The following GABRA3 variants were observed in gnomAD, a reference collection of about 807,000 sequenced individuals.
GABRA3 encodes gamma-aminobutyric acid type A receptor subunit alpha3.
In GABRA3, 10 loss-of-function variants were observed where a neutral mutation model predicts 30.1. The ratio of observed to expected loss-of-function variants is 0.33; its 90% CI spans 0.20 to 0.56. The LOEUF (loss-of-function observed/expected upper bound fraction) is 0.56, where lower values mean the gene tolerates loss of function less well. Ranked by LOEUF, GABRA3 falls within the 20% of genes least tolerant of loss-of-function variation. The pLI, the probability that GABRA3 is intolerant of heterozygous loss-of-function variation, is 0.89. For synonymous variants in GABRA3, 151 were observed against 146.8 expected (o/e 1.03, Z -0.21); for missense variants, 233 against 392.0 (o/e 0.59, Z 3.42).
intron 1 of GABRA3, among the ~76,000 whole-genome samples, chrX:152,424,636 C>A (rs1930466831): frequency 9.0e-6 from 1 of 111,103 alleles, no homozygotes; most frequent in African/African-American, 3.3e-5. Flanking sequence ...TGATGTCAGG[C>A]CAATTTTCCC....
chrX:152,215,264 C>T (rs2124373150), intron 6 of GABRA3, among the ~76,000 whole-genome samples: 1 of 109,515 alleles, frequency 9.1e-6, no homozygotes, highest in South Asian at 3.9e-4. Context: ...GAGCTCTCAG[C>T]CTTTTCCATT....
chrX:152,220,526 C>T (rs1402641720), intron 6 of GABRA3, among the ~76,000 whole-genome samples: 1 of 111,408 alleles, frequency 9.0e-6, no homozygotes, highest in African/African-American at 3.3e-5. Context: ...CTTTATATGC[C>T]TTTTGGTATA....
intron 5 of GABRA3, among the ~76,000 whole-genome samples, chrX:152,248,350 C>T (rs1297849590): frequency 2.7e-5 from 3 of 111,666 alleles, no homozygotes; most frequent in South Asian, 7.4e-4. Flanking sequence ...GTATGCCACT[C>T]AAGGCCTGGT....
At chrX:152,170,614 C>A (rs1936991271) in intron 9 of GABRA3, among the ~76,000 whole-genome samples, 1 of 112,269 alleles carries the variant, frequency 8.9e-6, no homozygotes, top group Non-Finnish European at 1.9e-5. Flanking sequence ...CTACACCTGG[C>A]CAAGGGCACT....
intron 3 of GABRA3, among the ~76,000 whole-genome samples, chrX:152,313,708 A>G (rs1045804007): frequency 8.9e-6 from 1 of 112,081 alleles, no homozygotes; most frequent in Non-Finnish European, 1.9e-5. Flanking sequence ...TGAGAAATGT[A>G]CTGGTTATGC....
intron 1 of GABRA3, among the ~76,000 whole-genome samples, chrX:152,405,128 T>A (rs148775935): frequency 0.012 from 1,306 of 108,156 alleles, 11 homozygotes; most frequent in South Asian, 0.034. Flanking sequence ...CTCCCCTAAC[T>A]GTGCCTTGTG....
intron 5 of GABRA3, among the ~76,000 whole-genome samples, chrX:152,248,877 C>T (rs1189677619): frequency 8.9e-6 from 1 of 111,742 alleles, no homozygotes; most frequent in African/African-American, 3.2e-5. Context: ...TGCGAATTAG[C>T]TAGATTTAAT....
chrX:152,367,622 C>A (rs1378252069), intron 1 of GABRA3, among the ~76,000 whole-genome samples: 1 of 111,422 alleles, frequency 9.0e-6, no homozygotes, highest in Non-Finnish European at 1.9e-5. Flanking sequence ...ATCTTAAACT[C>A]ATATCGTAAC....
At chrX:152,351,819 C>T (rs1381784547) in intron 2 of GABRA3, among the ~76,000 whole-genome samples, 1 of 111,000 alleles carries the variant, frequency 9.0e-6, no homozygotes, top group Non-Finnish European at 1.9e-5. Flanking sequence ...ATTTTTATTT[C>T]ACTTAACACT....
chrX:152,182,312 T>TACACAC (rs72009096), intron 9 of GABRA3, among the ~76,000 whole-genome samples: 27 of 89,308 alleles, frequency 3.0e-4, no homozygotes, highest in African/African-American at 1.1e-3. Context: ...TATATATATA[T>TACACAC]ACACACACAC....
rs1936946762 is a variant in GABRA3, at chrX:152,167,168, G to T, written c.*1060C>A. On this transcript the variant is annotated 3_prime_UTR_variant, in exon 10 of 10. Coordinates refer to ENST00000370314, the MANE Select transcript of GABRA3 (RefSeq NM_000808.4). ...CCGATATGGTGGGAGAAAAGTGCCT[G>T]GGCCAGGGTGTGGAATGTGGAGTGT... is the stretch of plus-strand genomic sequence containing the variant. The T allele has an allele frequency of 9.1e-6, 1 of 110,429 alleles. No individual in the cohort carries two copies. The highest frequency in any genetic ancestry group is 3.3e-5 in the African/African-American group (1 of 30,314). 9.1% of individuals were successfully genotyped at this position (110,429 alleles called of 1,213,427 possible).
intron 5 of GABRA3, among the ~76,000 whole-genome samples, chrX:152,225,520 C>A (rs1320920637): frequency 1.8e-5 from 2 of 109,262 alleles, no homozygotes; most frequent in Non-Finnish European, 3.8e-5. Context: ...CCTCAGAGGT[C>A]AAGTCTAAAG....
intron 5 of GABRA3, among the ~76,000 whole-genome samples, chrX:152,233,376 A>T (rs1206209169): frequency 9.0e-6 from 1 of 111,044 alleles, no homozygotes; most frequent in Admixed American, 9.7e-5. Flanking sequence ...GCCATCAAAA[A>T]GTGCGCGAAG....
At position 152,347,829 on chromosome X, in the gene GABRA3, G is replaced by A. The variant is rs756678814; in HGVS notation, c.141-2127C>T. Among the ~76,000 whole-genome samples, 7 of 110,757 alleles carry A rather than the reference G, an allele frequency of 6.3e-5. No homozygotes were observed. The East Asian group carries it at 1.4e-3, about 23-fold the overall frequency. On this transcript the variant is annotated intron_variant, in intron 2 of 9. Coordinates refer to ENST00000370314, the MANE Select transcript of GABRA3 (RefSeq NM_000808.4). ...TTGTGACCAGTCTGGACAATATGGCGAAATCCTGCCTCTACAAAAACACAA... is the reference window on the plus strand; with the variant it reads ...TTGTGACCAGTCTGGACAATATGGCAAAATCCTGCCTCTACAAAAACACAA...
chrX:152,342,867 A>G, intron 3 of GABRA3, among the ~76,000 whole-genome samples: 1 of 111,575 alleles, frequency 9.0e-6, no homozygotes, highest in Non-Finnish European at 1.9e-5. Context: ...ACCAGGTGTT[A>G]AAAGTGTTTC....
At chrX:152,251,786 C>G (rs1938558929) in intron 5 of GABRA3, among the ~76,000 whole-genome samples, 1 of 111,053 alleles carries the variant, frequency 9.0e-6, no homozygotes, top group Non-Finnish European at 1.9e-5. Flanking sequence ...TCTATTCCTT[C>G]CCTAATGCTC....
intron 1 of GABRA3, among the ~76,000 whole-genome samples, chrX:152,419,984 C>A (rs1930333139): frequency 9.0e-6 from 1 of 110,940 alleles, no homozygotes; most frequent in Admixed American, 9.6e-5. Flanking sequence ...GAAAATCAGT[C>A]AATGCAGTTC....
chrX:152,241,586 G>C (rs1344320947), intron 5 of GABRA3, among the ~76,000 whole-genome samples: 1 of 109,280 alleles, frequency 9.2e-6, no homozygotes, highest in African/African-American at 3.3e-5. Flanking sequence ...GGGCAATGGC[G>C]GGCGCCCCTC....
At chrX:152,216,224 C>T (rs992607347) in intron 6 of GABRA3, among the ~76,000 whole-genome samples, 3 of 110,832 alleles carry the variant, frequency 2.7e-5, no homozygotes, top group Non-Finnish European at 5.7e-5. Context: ...TAATATCCAG[C>T]AATTCCACTA....
Sources: allele counts gnomAD v4.1 joint callset (sites outside exome capture counted in the v4.1 genomes callset), GRCh38; gene constraint gnomAD v4.1.1; transcripts MANE v1.5; gene names NCBI Gene and HGNC (gene_info 2026-07-23, HGNC 2026-07-21).